Variants in BMPER observed in about 807,000 individuals in gnomAD.
The protein encoded by BMPER is BMP binding endothelial regulator.
A neutral mutation model predicts 87.3 loss-of-function variants in BMPER; 45 were observed. The ratio of observed to expected loss-of-function variants is 0.52; its 90% CI spans 0.41 to 0.66. BMPER has a LOEUF of 0.66. Among genes scored for constraint, BMPER ranks in the 30% least tolerant of loss-of-function variants. BMPER has a pLI of 0.00. For synonymous variants in BMPER, 326 were observed against 316.2 expected (o/e 1.03, Z -0.33); for missense variants, 784 against 867.5 (o/e 0.90, Z 1.21).
intron 2 of BMPER, among the ~76,000 whole-genome samples, chr7:33,931,941 A>G (rs534139081): frequency 6.6e-6 from 1 of 152,298 alleles, no homozygotes; most frequent in African/African-American, 2.4e-5. Context: ...GTTACACCAC[A>G]GTGTTTGTGT....
chr7:34,034,619 C>T (rs1207025533), intron 6 of BMPER, among the ~76,000 whole-genome samples: 1 of 152,198 alleles, frequency 6.6e-6, no homozygotes, highest in Non-Finnish European at 1.5e-5. Context: ...ATATCACTTT[C>T]CTTTTTCTGT....
rs1285379870 is a variant in BMPER, at chr7:33,906,724, A to G, written c.134-94A>G. 3.6e-6 allele frequency: 4 copies of G among 1,101,006 alleles called. No homozygotes were observed. The African/African-American group carries it at 4.7e-5, about 13-fold the overall frequency. The allele number at this position is 1,101,006 out of a possible 1,614,324, so 68.2% of individuals were successfully genotyped here. On this transcript the variant is annotated intron_variant, in intron 1 of 14. Coordinates refer to ENST00000649409, the MANE Select transcript of BMPER (RefSeq NM_001365308.1). ...ATTAAGAATTCTGAAGTTTGGGTAGAGGTTTCAAAAAGGATTAGTGTAAAA... is the reference window on the plus strand; with the variant it reads ...ATTAAGAATTCTGAAGTTTGGGTAGGGGTTTCAAAAAGGATTAGTGTAAAA...
intron 3 of BMPER, among the ~76,000 whole-genome samples, chr7:33,964,083 T>A (rs1175440159): frequency 6.6e-6 from 1 of 152,238 alleles, no homozygotes; most frequent in Non-Finnish European, 1.5e-5. Context: ...TAAGGTTTTC[T>A]TTGATTGTAT....
chr7:34,016,138 G>A lies in BMPER; in HGVS notation c.577-30168G>A, dbSNP rs113115836. Among the ~76,000 whole-genome samples, 1,131 of 151,978 alleles carry A rather than the reference G, an allele frequency of 7.4e-3. 14 individuals are homozygous for A. The highest frequency in any genetic ancestry group is 9.9e-3 in the Non-Finnish European group (674 of 67,890). Reference sequence around the variant, plus strand: ...GTATTGTGCTGATGAAAACTTTTGGGTGGCATTTATCATTTATCCCACGTA... The same window carrying A: ...GTATTGTGCTGATGAAAACTTTTGGATGGCATTTATCATTTATCCCACGTA... On this transcript the variant is annotated intron_variant, in intron 6 of 14. Coordinates refer to ENST00000649409, the MANE Select transcript of BMPER (RefSeq NM_001365308.1).
chr7:34,004,360 C>G (rs1786668627), intron 6 of BMPER, among the ~76,000 whole-genome samples: 1 of 151,858 alleles, frequency 6.6e-6, no homozygotes, highest in Non-Finnish European at 1.5e-5. Flanking sequence ...GGTTTAAAGT[C>G]TTTCTGTAAT....
At chr7:33,945,359 T>C (rs1489360352) in intron 3 of BMPER, among the ~76,000 whole-genome samples, 2 of 151,080 alleles carry the variant, frequency 1.3e-5, no homozygotes, top group Non-Finnish European at 2.9e-5. Flanking sequence ...CAAGTGATTC[T>C]CTTGCCTCAG....
intron 13 of BMPER, among the ~76,000 whole-genome samples, chr7:34,097,045 C>G (rs1031494052): frequency 6.6e-6 from 1 of 152,112 alleles, no homozygotes; most frequent in Non-Finnish European, 1.5e-5. Flanking sequence ...ACAGGAATGT[C>G]GAGAGAGAGG....
At chr7:34,124,566 T>A (rs936228111) in intron 13 of BMPER, among the ~76,000 whole-genome samples, 3 of 152,140 alleles carry the variant, frequency 2.0e-5, no homozygotes, top group African/African-American at 7.2e-5. Context: ...ATAGCTGATT[T>A]TTTTGAAGTT....
chr7:34,129,933 C>G (rs1359583416), intron 13 of BMPER, among the ~76,000 whole-genome samples: 1 of 152,206 alleles, frequency 6.6e-6, no homozygotes, highest in Admixed American at 6.5e-5. Context: ...GGTTACCTCT[C>G]CCTATGTTGT....
intron 2 of BMPER, among the ~76,000 whole-genome samples, chr7:33,928,799 G>C (rs973303202): frequency 6.6e-6 from 1 of 151,870 alleles, no homozygotes; most frequent in Non-Finnish European, 1.5e-5. Flanking sequence ...GCCTCTGCTG[G>C]CACGTGTCAT....
chr7:33,934,176 A>G (rs1784547766), intron 2 of BMPER, among the ~76,000 whole-genome samples: 1 of 152,210 alleles, frequency 6.6e-6, no homozygotes. Context: ...TGGCTCAAGA[A>G]CAAGTGTTTT....
chr7:34,043,680 T>C (rs1787888681), intron 6 of BMPER, among the ~76,000 whole-genome samples: 1 of 152,168 alleles, frequency 6.6e-6, no homozygotes, highest in Non-Finnish European at 1.5e-5. Flanking sequence ...TTTTGTCTTA[T>C]ATTCACTGCT....
At position 33,925,766 on chromosome 7, in the gene BMPER, T is replaced by C. The variant is rs368894998; in HGVS notation, c.220-11523T>C. Among the ~76,000 whole-genome samples the C allele has an allele frequency of 4.3e-4, 66 of 152,252 alleles. No homozygotes were observed. The South Asian group carries it at 0.012, about 28-fold the overall frequency. The stretch of plus-strand genomic sequence containing the variant: ...TGAGGTTGCTACACTTCACTTGGAG[T>C]GCACTGGAATGTCATCAAAGAAGGA... On this transcript the variant is annotated intron_variant, in intron 2 of 14. Transcript: ENST00000649409.
At chr7:34,104,376 C>G (rs1789764191) in intron 13 of BMPER, among the ~76,000 whole-genome samples, 7 of 152,194 alleles carry the variant, frequency 4.6e-5, no homozygotes, top group Admixed American at 4.6e-4. Flanking sequence ...CAACACACCC[C>G]AGCATACGCT....
chr7:33,994,480 C>G (rs4723347), intron 6 of BMPER, among the ~76,000 whole-genome samples: 19,320 of 152,162 alleles, frequency 0.13, 1,681 homozygotes, highest in Admixed American at 0.23. Context: ...TGCTTTGGCT[C>G]GCGCATGGTG....
intron 9 of BMPER, 92 bp downstream of exon 9, chr7:34,055,395 AT>A: frequency 6.7e-7 from 1 of 1,500,108 alleles, no homozygotes; most frequent in African/African-American, 1.4e-5. Context: ...TTATCCCATA[AT>A]TTCTATATAC....
chr7:33,910,593 A>G (rs868551181), intron 2 of BMPER, among the ~76,000 whole-genome samples: 15 of 152,220 alleles, frequency 9.9e-5, no homozygotes, highest in African/African-American at 3.6e-4. Context: ...TTTGGCGTAC[A>G]TTTTGTTCAG....
rs141184901 is a variant in BMPER at position 33,998,198 on chromosome 7, G to A, written c.576+23414G>A. Among the ~76,000 whole-genome samples the A allele has an allele frequency of 3.7e-3, 556 of 152,278 alleles. 1 individual carries two copies. Among genetic ancestry groups the A allele is most frequent in the Non-Finnish European group, 6.4e-3 (435 of 68,034 alleles). On this transcript the variant is annotated intron_variant, in intron 6 of 14. Transcript: ENST00000649409. ...CTAAAGACACAAAATTCCAATCACA[G>A]TATTTATCAACAGTTGATTAACATT... is the stretch of plus-strand genomic sequence containing the variant.
rs183216909 is a variant in BMPER, at chr7:34,068,411, C to T, written c.1078+6364C>T. ...ACAACTTGTAAGCATTGGAGACTGG[C>T]GAAGGACCTTAAGAGGAATTTCCAA... On this transcript the variant is annotated intron_variant, in intron 11 of 14. Coordinates refer to ENST00000649409, the MANE Select transcript of BMPER (RefSeq NM_001365308.1). Among the ~76,000 whole-genome samples the T allele has an allele frequency of 3.2e-3, 487 of 152,278 alleles. 7 individuals are homozygous for T. The highest frequency in any genetic ancestry group is 0.029 in the Admixed American group (442 of 15,294).
Sources: gnomAD v4.1 joint callset for allele counts (sites outside exome capture counted in the v4.1 genomes callset) on GRCh38, gnomAD v4.1.1 for gene constraint, MANE v1.5 for transcripts, NCBI Gene and HGNC (gene_info 2026-07-23, HGNC 2026-07-21) for gene names.